ELOVL3: variants seen among roughly 807,000 people sequenced by gnomAD.
ELOVL3 encodes the protein very long chain fatty acid elongase 3.
Under a neutral mutation model 14.9 loss-of-function variants are expected in ELOVL3, and 11 were observed. The observed-to-expected ratio is 0.74, with a 90% CI of 0.46 to 1.22. ELOVL3 has a LOEUF of 1.22. Ranked by LOEUF, ELOVL3 falls within the 50% of genes most tolerant of loss-of-function variation. The probability of loss-of-function intolerance (pLI) is 0.00; values close to 1 mark genes in which losing one functional copy is unlikely to be tolerated. For missense variants in ELOVL3, 277 were observed against 338.9 expected, an observed-to-expected ratio of 0.82 and a Z score of 1.43; for synonymous variants, 117 against 124.7, an observed-to-expected ratio of 0.94 and a Z score of 0.41.
chr10:102,227,997 G>A (rs959551099), intron 2 of ELOVL3, among the ~76,000 whole-genome samples: 5 of 151,774 alleles, frequency 3.3e-5, no homozygotes, highest in African/African-American at 9.7e-5. Context: ...TCTTGCCTTC[G>A]TAGAGTCTGT....
chr10:102,226,198 G>T (rs903197518), upstream of ELOVL3: 2 of 196,022 alleles, frequency 1.0e-5, no homozygotes, highest in African/African-American at 2.4e-5. Flanking sequence ...TGTGCGAAAC[G>T]CCTGGCAGGC....
At chr10:102,226,868 C>T (rs1429927430) in intron 1 of ELOVL3, among the ~76,000 whole-genome samples, 2 of 151,826 alleles carry the variant, frequency 1.3e-5, no homozygotes, top group African/African-American at 2.4e-5. Flanking sequence ...TGAGGGAGAA[C>T]GTGGAAATAT....
Position 102,229,260 on chromosome 10 carries a change from G to C in ELOVL3, c.*8G>C, listed in dbSNP as rs1398726085. ...AAGACCAAGAGCCAGTGAAGGTTTG[G>C]AGAGAACAATGAAGCTCCAGGCTCT... On this transcript the variant is annotated 3_prime_UTR_variant, in exon 4 of 4. Transcript: ENST00000370005. 1 of 1,598,754 alleles carries C rather than the reference G, an allele frequency of 6.3e-7. No homozygotes were observed. The highest frequency in any genetic ancestry group is 8.5e-7 in the Non-Finnish European group (1 of 1,170,820).
At chr10:102,224,850 A>G (rs188189333), upstream of ELOVL3, among the ~76,000 whole-genome samples, 2,019 of 151,904 alleles carry the variant, frequency 0.013, 22 homozygotes, top group Non-Finnish European at 0.019. Context: ...TTTTTAGTAG[A>G]GACGGGGTTT....
intron 1 of ELOVL3, 42 bp downstream of exon 1, chr10:102,226,691 G>C: frequency 1.4e-6 from 2 of 1,467,646 alleles, no homozygotes; most frequent in South Asian, 1.1e-5. Flanking sequence ...AGGGCCCCGG[G>C]GCCGGGGCGC....
chr10:102,229,402 C>T lies in ELOVL3; in HGVS notation c.*150C>T. ...CAAGGTGGCTGGAATTTTTGACAGA[C>T]AAGAAGGGTGACCTTGGGATGGGGG... On this transcript the variant is annotated 3_prime_UTR_variant, in exon 4 of 4. Transcript: ENST00000370005. 1 of 718,886 alleles carries T rather than the reference C, an allele frequency of 1.4e-6. No homozygotes were observed. Among genetic ancestry groups the T allele is most frequent in the South Asian group, 1.9e-5 (1 of 51,754 alleles). The allele number at this position is 718,886 out of a possible 1,614,324, so 44.5% of individuals were successfully genotyped here.
Position 102,228,929 on chromosome 10 carries a change from G to A in ELOVL3, c.490G>A (p.Val164Met). 6.2e-7 allele frequency: 1 copy of A among 1,614,202 alleles called. No individual in the cohort carries two copies. The highest frequency in any genetic ancestry group is 8.5e-7 in the Non-Finnish European group (1 of 1,180,048). ...CACAAGCTTTGGATACAAGAACAAA[G>A]TGCCTGCAGGAGGCTGGTTCGTCAC... ...VYTSFGYKNKVPAGGWFVTMN... is the reference protein window; with the variant it reads ...VYTSFGYKNKMPAGGWFVTMN... The change falls in exon 4 of 4, where the codon GTG becomes ATG. Residue 164 changes from valine to methionine, a missense_variant. Physicochemically the swap from Val to Met is conservative, Grantham distance 21 (BLOSUM62 1). Transcript: ENST00000370005.
chr10:102,226,929 T>TGACA (rs2070140472), intron 1 of ELOVL3, among the ~76,000 whole-genome samples: 3 of 151,636 alleles, frequency 2.0e-5, no homozygotes, highest in African/African-American at 7.3e-5. Context: ...GGCGTGAGGT[T>TGACA]GATCTGAAGC....
rs769770539 is a variant in ELOVL3, at chr10:102,229,281, GCT to G, written c.*36_*37del. 4 of 1,571,904 alleles carry G rather than the reference GCT, an allele frequency of 2.5e-6. No homozygotes were observed. The Admixed American group carries it at 5.3e-5, about 21-fold the overall frequency. The stretch of plus-strand genomic sequence containing the variant: ...TTTGGAGAGAACAATGAAGCTCCAG[GCT>G]CTCTCTTCTCCAGGGCACCAAGAGG... On this transcript the variant is annotated 3_prime_UTR_variant, in exon 4 of 4. Coordinates refer to ENST00000370005, the MANE Select transcript of ELOVL3 (RefSeq NM_152310.3).
In ELOVL3 at chr10:102,229,173, C is replaced by A; in HGVS notation, c.734C>A (p.Thr245Asn). ...HLFWSFILYM[T>N]YFILFAHFFC... ...TTCTGGTCCTTCATCTTGTATATGACCTATTTCATCCTCTTTGCCCACTTC... is the reference window on the plus strand; with the variant it reads ...TTCTGGTCCTTCATCTTGTATATGAACTATTTCATCCTCTTTGCCCACTTC... The change falls in exon 4 of 4, where the codon ACC (threonine) becomes AAC (asparagine). Residue 245 changes from threonine (T) to asparagine (N), a missense_variant. By Grantham distance (65) the Thr-to-Asn change is moderately conservative. Coordinates refer to ENST00000370005, the MANE Select transcript of ELOVL3 (RefSeq NM_152310.3). The A allele has an allele frequency of 1.2e-6, 2 of 1,614,048 alleles. No homozygotes were observed. Among genetic ancestry groups the A allele is most frequent in the Non-Finnish European group, 1.7e-6 (2 of 1,180,024 alleles).
chr10:102,228,698 C>T, intron 3 of ELOVL3, 127 bp from the exon 4 acceptor site: 2 of 1,418,688 alleles, frequency 1.4e-6, no homozygotes, highest in Non-Finnish European at 1.9e-6. Flanking sequence ...ACCCAAGCCC[C>T]TCTACAGATT....
upstream of ELOVL3, among the ~76,000 whole-genome samples, chr10:102,226,123 G>A (rs1329279317): frequency 6.6e-6 from 1 of 152,202 alleles, no homozygotes; most frequent in African/African-American, 2.4e-5. Context: ...TGGGGTGGAC[G>A]TTTTACGGGA....
chr10:102,227,891 G>A (rs762307295), intron 2 of ELOVL3, 134 bp downstream of exon 2: 75 of 1,018,546 alleles, frequency 7.4e-5, no homozygotes, highest in Non-Finnish European at 9.8e-5. Flanking sequence ...TCTCATTCTC[G>A]GCTTTAGTTC....
chr10:102,225,137 A>G (rs2070127226), upstream of ELOVL3, among the ~76,000 whole-genome samples: 3 of 152,228 alleles, frequency 2.0e-5, no homozygotes, highest in Non-Finnish European at 4.4e-5. Flanking sequence ...ATTGCAATGC[A>G]GTGAAGAGCA....
intron 1 of ELOVL3, 22 bp from the exon 2 acceptor site, chr10:102,227,604 C>A (rs527925433): frequency 6.2e-7 from 1 of 1,607,494 alleles, no homozygotes; most frequent in Non-Finnish European, 8.5e-7. Context: ...ATGAGCCCAT[C>A]CCTCTGCCTT....
intron 2 of ELOVL3, 63 bp from the exon 3 acceptor site, chr10:102,228,354 G>A (rs2070157032): frequency 1.3e-6 from 2 of 1,568,430 alleles, no homozygotes; most frequent in East Asian, 4.5e-5. Context: ...CCAAGCCGGG[G>A]GAAGGGTGGA....
chr10:102,227,893 C>T, intron 2 of ELOVL3, 136 bp downstream of exon 2: 1 of 980,718 alleles, frequency 1.0e-6, no homozygotes, highest in Non-Finnish European at 1.5e-6. Flanking sequence ...TCATTCTCGG[C>T]TTTAGTTCCC....
At position 102,226,463 on chromosome 10, in the gene ELOVL3, C is replaced by T. The variant is rs749224839; in HGVS notation, c.-86C>T. On this transcript the variant is annotated 5_prime_UTR_variant, in exon 1 of 4. Coordinates refer to ENST00000370005, the MANE Select transcript of ELOVL3 (RefSeq NM_152310.3). ...TCCTTCTGTCCCGGCTCTGTTCCGTCTCGCCCCGAGGTTCACGCCATCCTC... is the reference window on the plus strand; with the variant it reads ...TCCTTCTGTCCCGGCTCTGTTCCGTTTCGCCCCGAGGTTCACGCCATCCTC... The T allele has an allele frequency of 4.2e-6, 4 of 942,108 alleles. No homozygotes were observed. The highest frequency in any genetic ancestry group is 6.8e-6 in the Non-Finnish European group (4 of 586,880). 58.4% of individuals were successfully genotyped at this position (942,108 alleles called of 1,614,324 possible).
upstream of ELOVL3, among the ~76,000 whole-genome samples, chr10:102,224,942 C>T (rs1480122850): frequency 6.6e-6 from 1 of 152,064 alleles, no homozygotes; most frequent in Admixed American, 6.6e-5. Flanking sequence ...GGATTACAGG[C>T]GTGAACCACC....
Sources: gnomAD v4.1 joint callset for allele counts (sites outside exome capture counted in the v4.1 genomes callset) on GRCh38, gnomAD v4.1.1 for gene constraint, MANE v1.5 for transcripts, NCBI Gene and HGNC (gene_info 2026-07-23, HGNC 2026-07-21) for gene names.